The following CPNE4 variants were observed in gnomAD, a reference collection of about 807,000 sequenced individuals.
The protein encoded by CPNE4 is copine-4.
CPNE4 carries 25 observed loss-of-function variants against 67.9 expected under a neutral mutation model. The observed-to-expected ratio is 0.37, with a 90% CI of 0.27 to 0.51. CPNE4 has a LOEUF of 0.51. Among genes scored for constraint, CPNE4 ranks in the 20% least tolerant of loss-of-function variants. CPNE4 has a pLI of 0.93. For missense variants in CPNE4, 464 were observed against 690.8 expected (o/e 0.67, Z 3.68); for synonymous variants, 242 against 244.9 (o/e 0.99, Z 0.11).
chr3:131,762,305 T>C (rs921459728), intron 2 of CPNE4, among the ~76,000 whole-genome samples: 5 of 152,082 alleles, frequency 3.3e-5, no homozygotes, highest in Non-Finnish European at 7.4e-5. Context: ...GATCACCTCG[T>C]GGTCACTCAA....
At chr3:131,709,237 A>C (rs2081500034) in intron 3 of CPNE4, among the ~76,000 whole-genome samples, 1 of 152,030 alleles carries the variant, frequency 6.6e-6, no homozygotes, top group South Asian at 2.1e-4. Context: ...AAAAACAATA[A>C]AGCCATTTCC....
chr3:131,986,153 T>G (rs1254010671), intron 1 of CPNE4, among the ~76,000 whole-genome samples: 2 of 147,914 alleles, frequency 1.4e-5, no homozygotes, highest in Non-Finnish European at 3.0e-5. Flanking sequence ...TTAACCAGAT[T>G]AAGCCCTTCT....
At chr3:132,016,307 A>G (rs943143395) in intron 1 of CPNE4, among the ~76,000 whole-genome samples, 1 of 152,174 alleles carries the variant, frequency 6.6e-6, no homozygotes, top group Non-Finnish European at 1.5e-5. Context: ...CTTACCCTAG[A>G]TCTTACAAAA....
intron 1 of CPNE4, among the ~76,000 whole-genome samples, chr3:132,015,455 TCAACTG>T (rs2073868953): frequency 6.6e-6 from 1 of 152,046 alleles, no homozygotes. Flanking sequence ...ACTCTAAGAA[TCAACTG>T]CTGTCCTTAG....
chr3:131,811,716 G>GTATCAGGATGAAAT (rs1346874643), intron 2 of CPNE4, among the ~76,000 whole-genome samples: 1 of 152,128 alleles, frequency 6.6e-6, no homozygotes, highest in Non-Finnish European at 1.5e-5. Context: ...TTAACAAATA[G>GTATCAGGATGAAAT]TATAGTTAAT....
intron 2 of CPNE4, among the ~76,000 whole-genome samples, chr3:131,842,906 A>G (rs114989405): frequency 2.6e-5 from 4 of 152,268 alleles, no homozygotes; most frequent in South Asian, 4.1e-4. Context: ...GATATACAGC[A>G]TTTACCCATA....
intron 7 of CPNE4, among the ~76,000 whole-genome samples, chr3:131,606,953 C>T (rs1362602367): frequency 6.6e-6 from 1 of 151,408 alleles, no homozygotes; most frequent in Non-Finnish European, 1.5e-5. Flanking sequence ...GCCAATCTTT[C>T]CCTCACTGAG....
intron 1 of CPNE4, among the ~76,000 whole-genome samples, chr3:131,942,800 T>A (rs538592955): frequency 6.6e-6 from 1 of 152,098 alleles, no homozygotes; most frequent in African/African-American, 2.4e-5. Flanking sequence ...AAAAGAAACA[T>A]CAGTTGCTTC....
chr3:131,871,524 G>C (rs190767101), intron 2 of CPNE4, among the ~76,000 whole-genome samples: 1 of 152,020 alleles, frequency 6.6e-6, no homozygotes. Flanking sequence ...GGAAGCATGC[G>C]CTATCCTGCT....
At chr3:131,918,393 T>C (rs2070637105) in intron 1 of CPNE4, among the ~76,000 whole-genome samples, 1 of 152,196 alleles carries the variant, frequency 6.6e-6, no homozygotes, top group African/African-American at 2.4e-5. Context: ...TGGTAGGTAC[T>C]GGCAGATACA....
chr3:132,003,602 A>C (rs1426855360), intron 1 of CPNE4, among the ~76,000 whole-genome samples: 1 of 151,770 alleles, frequency 6.6e-6, no homozygotes, highest in Non-Finnish European at 1.5e-5. Context: ...CCTTCTGCTC[A>C]CCCTGGCTCT....
intron 2 of CPNE4, among the ~76,000 whole-genome samples, chr3:131,797,208 C>G (rs953727826): frequency 1.3e-5 from 2 of 152,190 alleles, no homozygotes; most frequent in Non-Finnish European, 2.9e-5. Flanking sequence ...CTTTACACCC[C>G]TCATGATTTG....
At chr3:131,956,077 T>C (rs1431447428) in intron 1 of CPNE4, among the ~76,000 whole-genome samples, 2 of 148,802 alleles carry the variant, frequency 1.3e-5, no homozygotes, top group Non-Finnish European at 3.0e-5. Context: ...CTGAAATAAA[T>C]TCTTCTCGTA....
At chr3:131,825,844 G>A (rs1362375714) in intron 2 of CPNE4, among the ~76,000 whole-genome samples, 2 of 152,108 alleles carry the variant, frequency 1.3e-5, no homozygotes, top group African/African-American at 2.4e-5. Flanking sequence ...TACCACACAG[G>A]TCAGAATAAA....
chr3:131,936,422 G>C (rs12635763), intron 1 of CPNE4, among the ~76,000 whole-genome samples: 54,616 of 151,820 alleles, frequency 0.36, 10,460 homozygotes, highest in African/African-American at 0.48. Flanking sequence ...AAATCTGGTT[G>C]AGAGAAGATG....
chr3:131,606,301 C>G (rs1939499289), intron 7 of CPNE4, among the ~76,000 whole-genome samples: 1 of 152,184 alleles, frequency 6.6e-6, no homozygotes, highest in Admixed American at 6.5e-5. Flanking sequence ...CATAGGTGTT[C>G]AGGACTTGAA....
intron 15 of CPNE4, among the ~76,000 whole-genome samples, chr3:131,539,212 G>T (rs1339987541): frequency 6.6e-6 from 1 of 152,202 alleles, no homozygotes; most frequent in South Asian, 2.1e-4. Context: ...TGCGCCTGGT[G>T]TTCTTCCTTG....
At chr3:132,018,536 C>T (rs1460319852) in intron 1 of CPNE4, among the ~76,000 whole-genome samples, 2 of 152,030 alleles carry the variant, frequency 1.3e-5, no homozygotes, top group African/African-American at 4.8e-5. Flanking sequence ...GAAGTAGGGA[C>T]TTTCTTCCCC....
intron 1 of CPNE4, among the ~76,000 whole-genome samples, chr3:131,963,914 C>T (rs1486624957): frequency 2.6e-5 from 4 of 152,144 alleles, no homozygotes; most frequent in East Asian, 1.9e-4. Context: ...CCCTGACACC[C>T]GTGCCTCCTT....
Sources: gnomAD v4.1 joint callset for allele counts (sites outside exome capture counted in the v4.1 genomes callset) on GRCh38, gnomAD v4.1.1 for gene constraint, MANE v1.5 for transcripts, NCBI Gene and HGNC (gene_info 2026-07-23, HGNC 2026-07-21) for gene names.